Variants in TPD52L3 observed in about 807,000 individuals in gnomAD.
The protein encoded by TPD52L3 is TPD52 like 3.
Under a neutral mutation model 8.7 loss-of-function variants are expected in TPD52L3, and 12 were observed. That is an observed-to-expected ratio of 1.38 (90% CI 0.89 to 2.24). The LOEUF is 2.24. Among genes scored for constraint, TPD52L3 ranks in the 30% most tolerant of loss-of-function variants. The pLI is 0.00. For synonymous variants in TPD52L3, 79 were observed against 66.8 expected (o/e 1.18, Z -0.89); for missense variants, 207 against 158.7 (o/e 1.30, Z -1.64).
At chr9:6,329,172 C>T (rs2130616270) in intron 1 of TPD52L3, 2 of 1,454,972 alleles carry the variant, frequency 1.4e-6, no homozygotes, top group Non-Finnish European at 1.8e-6. Context: ...AATGAGCCCC[C>T]TTGGTAACCT....
intron 1 of TPD52L3, chr9:6,329,464 T>C: frequency 9.8e-7 from 1 of 1,019,858 alleles, no homozygotes; most frequent in Non-Finnish European, 1.2e-6. Context: ...CAGAGGGGTC[T>C]TAGGCCAAAG....
rs772750026 is a variant in TPD52L3, at chr9:6,329,044, G to A, written c.367+82G>A. The A allele has an allele frequency of 6.2e-6, 10 of 1,605,416 alleles. No homozygotes were observed. In the Admixed American group the frequency reaches 1.0e-4, roughly 16 times the overall value. On this transcript the variant is annotated intron_variant, in intron 1 of 1. Transcript: ENST00000314556. Reference sequence around the variant, plus strand: ...CTGTCTTTCTTCTGCGGAGGGTGGGGTTGATCTGCTCTCAGTTTTGGGGTG... The same window carrying A: ...CTGTCTTTCTTCTGCGGAGGGTGGGATTGATCTGCTCTCAGTTTTGGGGTG...
intron 1 of TPD52L3, 124 bp downstream of exon 1, chr9:6,329,086 C>A: frequency 6.4e-7 from 1 of 1,555,572 alleles, no homozygotes; most frequent in South Asian, 1.2e-5. Flanking sequence ...AGACCCACTC[C>A]AGATTCCGGG....
chr9:6,330,771 C>T, intron 1 of TPD52L3: 2 of 1,319,310 alleles, frequency 1.5e-6, no homozygotes, highest in Middle Eastern at 2.9e-4. Context: ...AGTAGTCCAA[C>T]AGGCAAAGGC....
In TPD52L3 at chr9:6,328,773, C is replaced by T; in HGVS notation, c.178C>T (p.Leu60Phe). 1 of 1,614,054 alleles carries T rather than the reference C, an allele frequency of 6.2e-7. No individual in the cohort carries two copies. The highest frequency in any genetic ancestry group is 2.2e-5 in the East Asian group (1 of 44,882). The change falls in exon 1 of 2, where the codon CTC becomes TTC. Residue 60 changes from leucine to phenylalanine, a missense_variant. Coordinates refer to ENST00000314556, the MANE Select transcript of TPD52L3 (RefSeq NM_001001874.3). ...AGCCAAAGAGAGACGCTGTGGGGAA[C>T]TCAAGAGGAAGTTAGGCCTCACCGC... Reference protein sequence around the residue: ...LAAKERRCGELKRKLGLTALV... With the variant: ...LAAKERRCGEFKRKLGLTALV...
chr9:6,329,266 A>G (rs1818095250), intron 1 of TPD52L3: 1 of 1,318,622 alleles, frequency 7.6e-7, no homozygotes, highest in Admixed American at 3.5e-5. Flanking sequence ...AGCAAACCAC[A>G]ATGGTAAAGT....
Position 6,331,078 on chromosome 9 carries a change from G to C in TPD52L3, c.*59G>C, listed in dbSNP as rs1199693059. On this transcript the variant is annotated 3_prime_UTR_variant, in exon 2 of 2. Transcript: ENST00000314556. ...AAGAGACTATCAACAACATGAACTT[G>C]TTCACAAGTTCCTTCTGCTTTTAAA... 1 of 1,548,054 alleles carries C rather than the reference G, an allele frequency of 6.5e-7. No individual in the cohort carries two copies. The highest frequency in any genetic ancestry group is 8.8e-7 in the Non-Finnish European group (1 of 1,132,406).
intron 1 of TPD52L3, chr9:6,329,890 A>G: frequency 8.2e-7 from 1 of 1,225,384 alleles, no homozygotes; most frequent in Non-Finnish European, 1.0e-6. Context: ...ATTTCTTTAT[A>G]TATCAAAATG....
Position 6,331,183 on chromosome 9 carries a change from A to C in TPD52L3, c.*164A>C, listed in dbSNP as rs1249496259. 10 of 655,770 alleles carry C rather than the reference A, an allele frequency of 1.5e-5. No individual in the cohort carries two copies. The highest frequency in any genetic ancestry group is 1.1e-4 in the African/African-American group (6 of 54,264). 40.6% of individuals were successfully genotyped at this position (655,770 alleles called of 1,614,324 possible). ...CTGTCCCAGGTTCTGAAAGCATAGAATTAGACATCGTATGTGCCCTCTAGA... is the reference window on the plus strand; with the variant it reads ...CTGTCCCAGGTTCTGAAAGCATAGACTTAGACATCGTATGTGCCCTCTAGA... On this transcript the variant is annotated 3_prime_UTR_variant, in exon 2 of 2. Coordinates refer to ENST00000314556, the MANE Select transcript of TPD52L3 (RefSeq NM_001001874.3).
At chr9:6,330,523 T>G in intron 1 of TPD52L3, 1 of 1,224,440 alleles carries the variant, frequency 8.2e-7, no homozygotes, top group Non-Finnish European at 1.0e-6. Flanking sequence ...CCAACATTCC[T>G]TTGGTTTTCC....
Position 6,331,095 on chromosome 9 carries a change from G to A in TPD52L3, c.*76G>A, listed in dbSNP as rs922368066. The A allele has an allele frequency of 2.8e-5, 42 of 1,486,978 alleles. No homozygotes were observed. The highest frequency in any genetic ancestry group is 5.6e-6 in the Non-Finnish European group (6 of 1,077,982). The allele number at this position is 1,486,978 out of a possible 1,614,324, so 92.1% of individuals were successfully genotyped here. A position where few individuals can be genotyped will look rare whatever the true frequency, so the allele number is the denominator to read the frequency against. ...ATGAACTTGTTCACAAGTTCCTTCT[G>A]CTTTTAAACAAAAATATCGTGTTTA... On this transcript the variant is annotated 3_prime_UTR_variant, in exon 2 of 2. Coordinates refer to ENST00000314556, the MANE Select transcript of TPD52L3 (RefSeq NM_001001874.3).
rs7036002 is a variant in TPD52L3, at chr9:6,331,432, A to G, written c.*413A>G. The G allele has an allele frequency of 0.018, 2,876 of 156,040 alleles. 85 individuals are homozygous for G. Among genetic ancestry groups the G allele is most frequent in the African/African-American group, 0.066 (2,742 of 41,694 alleles). The allele number at this position is 156,040 out of a possible 1,614,324, so 9.7% of individuals were successfully genotyped here. ...GAGGAACTGAGTCACAAAGGAATGT[A>G]TAAGAATGGCATATTCTAGGAACTA... On this transcript the variant is annotated 3_prime_UTR_variant, in exon 2 of 2. Coordinates refer to ENST00000314556, the MANE Select transcript of TPD52L3 (RefSeq NM_001001874.3).
rs779008911 is a variant in TPD52L3, at chr9:6,328,877, A to T, written c.282A>T (p.Thr94=). 6.2e-7 allele frequency: 1 copy of T among 1,614,220 alleles called. No individual in the cohort carries two copies. The change falls in exon 1 of 2, where the codon ACA becomes ACT. Residue 94 remains threonine (T), a synonymous_variant. Coordinates refer to ENST00000314556, the MANE Select transcript of TPD52L3 (RefSeq NM_001001874.3). The part of the protein sequence containing the change: ...QVSNTYVKQK[T]SAALSTMGTL... ...CCAACACCTATGTGAAACAGAAGAC[A>T]TCAGCTGCTCTGTCCACCATGGGCA...
At chr9:6,330,385 G>T in intron 1 of TPD52L3, 2 of 1,418,136 alleles carry the variant, frequency 1.4e-6, no homozygotes, top group Non-Finnish European at 1.8e-6. Context: ...ATAGAAGTTT[G>T]CATCTTATTG....
In TPD52L3 at chr9:6,328,706, T is replaced by C; in HGVS notation, c.111T>C (p.Thr37=). ...AAAGAGAGCTCAAAACCAAACTCACTAAATTGGAGGCTGAAATTGTAACCC... is the reference window on the plus strand; with the variant it reads ...AAAGAGAGCTCAAAACCAAACTCACCAAATTGGAGGCTGAAATTGTAACCC... ...PEQRELKTKL[T]KLEAEIVTLR... is the part of the protein sequence containing the mutation. Residue 37 remains threonine, a synonymous_variant, in exon 1 of 2, where the codon ACT becomes ACC. Transcript: ENST00000314556. The C allele has an allele frequency of 6.2e-7, 1 of 1,614,050 alleles. No homozygotes were observed. Among genetic ancestry groups the C allele is most frequent in the African/African-American group, 1.3e-5 (1 of 75,010 alleles).
chr9:6,329,853 G>T lies in TPD52L3; in HGVS notation c.367+891G>T. 10 of 1,153,354 alleles carry T rather than the reference G, an allele frequency of 8.7e-6. No homozygotes were observed. The South Asian group carries it at 2.6e-4, about 30-fold the overall frequency. The allele number at this position is 1,153,354 out of a possible 1,614,324, so 71.4% of individuals were successfully genotyped here. A position where few individuals can be genotyped will look rare whatever the true frequency, so the allele number is the denominator to read the frequency against. On this transcript the variant is annotated intron_variant, in intron 1 of 1. Transcript: ENST00000314556. ...ACTACTTTGAACACAAACTGAAATT[G>T]CAACTTTGCCTTGTGCTTTGTTTAT...
rs75202744 is a variant in TPD52L3 at position 6,328,739 on chromosome 9, C to T, written c.144C>T (p.His48=). The T allele has an allele frequency of 5.4e-4, 874 of 1,614,182 alleles. 8 individuals are homozygous for T. The East Asian group carries it at 0.017, about 32-fold the overall frequency. Residue 48 remains histidine, a synonymous_variant, in exon 1 of 2, where the codon CAC becomes CAT. Coordinates refer to ENST00000314556, the MANE Select transcript of TPD52L3 (RefSeq NM_001001874.3). ...AGGCTGAAATTGTAACCCTACGCCA[C>T]GTACTAGCAGCCAAAGAGAGACGCT... ...KLEAEIVTLR[H]VLAAKERRCG... is the part of the protein sequence containing the mutation.
In TPD52L3 at chr9:6,331,129, C is replaced by G. The variant is rs1246293413; in HGVS notation, c.*110C>G. On this transcript the variant is annotated 3_prime_UTR_variant, in exon 2 of 2. Transcript: ENST00000314556. ...CAAAAATATCGTGTTTATTCAAAGC[C>G]AATCTGAGACCCTACTCTGTATCAA... 1 of 1,127,818 alleles carries G rather than the reference C, an allele frequency of 8.9e-7. No homozygotes were observed. Among genetic ancestry groups the G allele is most frequent in the Admixed American group, 2.0e-5 (1 of 49,046 alleles). The allele number at this position is 1,127,818 out of a possible 1,614,324, so 69.9% of individuals were successfully genotyped here.
In TPD52L3 at chr9:6,331,133, C is replaced by A; in HGVS notation, c.*114C>A. ...AATATCGTGTTTATTCAAAGCCAATCTGAGACCCTACTCTGTATCAAGAAC... is the reference window on the plus strand; with the variant it reads ...AATATCGTGTTTATTCAAAGCCAATATGAGACCCTACTCTGTATCAAGAAC... On this transcript the variant is annotated 3_prime_UTR_variant, in exon 2 of 2. Transcript: ENST00000314556. 9.0e-7 allele frequency: 1 copy of A among 1,108,772 alleles called. No homozygotes were observed. The allele number at this position is 1,108,772 out of a possible 1,614,324, so 68.7% of individuals were successfully genotyped here.
Sources: allele counts gnomAD v4.1 joint callset, GRCh38; gene constraint gnomAD v4.1.1; transcripts MANE v1.5; gene names NCBI Gene and HGNC (gene_info 2026-07-23, HGNC 2026-07-21).